MYH10: variants seen among roughly 807,000 people sequenced by gnomAD.
MYH10 encodes myosin heavy chain 10.
A neutral mutation model predicts 257.8 loss-of-function variants in MYH10; 55 were observed. That is an observed-to-expected ratio of 0.21 (90% CI 0.17 to 0.27). The LOEUF (loss-of-function observed/expected upper bound fraction) is 0.27. MYH10 is among the 10% of genes least tolerant of loss of function. The pLI, the probability that MYH10 is intolerant of heterozygous loss-of-function variation, is 1.00. For synonymous variants in MYH10, 854 were observed against 921.7 expected (o/e 0.93, Z 1.33); for missense variants, 1,631 against 2,500.6 (o/e 0.65, Z 7.42).
chr17:8,617,251 G>C lies in MYH10; in HGVS notation c.345+5651C>G, dbSNP rs1377542859. Among the ~76,000 whole-genome samples the C allele has an allele frequency of 5.3e-5, 8 of 152,220 alleles. No homozygotes were observed. The East Asian group carries it at 1.5e-3, about 29-fold the overall frequency. On this transcript the variant is annotated intron_variant, in intron 2 of 42. Coordinates refer to ENST00000360416, the MANE Select transcript of MYH10 (RefSeq NM_001256012.3). Reference sequence around the variant, plus strand: ...AGAAGGTCAGGATATTTATGCCCTAGGTTCTCTCCCCACCATGAGCTGCCT... The same window carrying C: ...AGAAGGTCAGGATATTTATGCCCTACGTTCTCTCCCCACCATGAGCTGCCT...
chr17:8,607,582 T>C (rs982034350), intron 2 of MYH10, among the ~76,000 whole-genome samples: 7 of 152,234 alleles, frequency 4.6e-5, no homozygotes, highest in African/African-American at 1.7e-4. Context: ...AGCACAAGTA[T>C]TGAGCTCTTG....
At chr17:8,577,500 C>T (rs967317851) in intron 4 of MYH10, among the ~76,000 whole-genome samples, 162 bp from the exon 5 acceptor site, 1 of 152,024 alleles carries the variant, frequency 6.6e-6, no homozygotes, top group East Asian at 1.9e-4. Flanking sequence ...AGAAAATCAT[C>T]CTTGTAAGAG....
chr17:8,496,509 AG>A (rs1336395642), intron 30 of MYH10, among the ~76,000 whole-genome samples: 7 of 152,118 alleles, frequency 4.6e-5, no homozygotes, highest in African/African-American at 1.7e-4. Context: ...CACCTACCAG[AG>A]GGGTTGACTG....
chr17:8,538,994 G>A (rs1244322351), intron 14 of MYH10, among the ~76,000 whole-genome samples: 2 of 152,158 alleles, frequency 1.3e-5, no homozygotes, highest in Non-Finnish European at 2.9e-5. Flanking sequence ...TTGTTGAGGA[G>A]GTGGGTTAGT....
chr17:8,570,927 C>T (rs945605270), intron 6 of MYH10, among the ~76,000 whole-genome samples: 8 of 152,276 alleles, frequency 5.3e-5, no homozygotes, highest in Middle Eastern at 6.8e-3. Flanking sequence ...AGGAAGGGGA[C>T]CTGCTCTGCC....
intron 28 of MYH10, among the ~76,000 whole-genome samples, chr17:8,502,480 TTGTGTGTG>T (rs55865122): frequency 1.3e-4 from 19 of 150,132 alleles, no homozygotes; most frequent in Non-Finnish European, 1.2e-4. Context: ...GGGAAAATAG[TTGTGTGTG>T]TGTGTGTGTG....
At chr17:8,503,469 C>CAA (rs2080975401) in intron 28 of MYH10, among the ~76,000 whole-genome samples, 1 of 152,050 alleles carries the variant, frequency 6.6e-6, no homozygotes, top group South Asian at 2.1e-4. Context: ...CATTCCAAGG[C>CAA]TCACCCCTCT....
rs1486076872 is a variant in MYH10, at chr17:8,548,758, A to T, written c.949T>A (p.Tyr317Asn). The change falls in exon 10 of 43, where the codon TAC (tyrosine) becomes AAC (asparagine). Residue 317 changes from tyrosine (Y) to asparagine (N), a missense_variant. By Grantham distance (143) the Tyr-to-Asn change is moderately radical. This residue lies in a region of MYH10 where 360 missense variants were observed against 581.9 expected (regional missense o/e 0.62). Coordinates refer to ENST00000360416, the MANE Select transcript of MYH10 (RefSeq NM_001256012.3). ...SDLLLEGFNN[Y>N]RFLSNGYIPI... ...ATATAGCCATTGGAGAGAAACCTGT[A>T]GTTATTAAATCCTTCAAGAAGCAAA... 2 of 1,612,770 alleles carry T rather than the reference A, an allele frequency of 1.2e-6. No individual in the cohort carries two copies. Among genetic ancestry groups the T allele is most frequent in the African/African-American group, 2.7e-5 (2 of 74,914 alleles).
chr17:8,520,769 A>G (rs2151902806), intron 19 of MYH10, 109 bp downstream of exon 19: 1 of 1,266,762 alleles, frequency 7.9e-7, no homozygotes, highest in South Asian at 1.6e-5. Context: ...ATATAAGAAA[A>G]CAAACTATGT....
At chr17:8,576,787 T>G in intron 5 of MYH10, 115 bp from the exon 6 acceptor site, 2 of 940,744 alleles carry the variant, frequency 2.1e-6, no homozygotes, top group South Asian at 3.0e-5. Context: ...GAAGCTGGGT[T>G]GGCTGGCGTT....
At chr17:8,608,977 A>T (rs914681621) in intron 2 of MYH10, among the ~76,000 whole-genome samples, 1 of 152,040 alleles carries the variant, frequency 6.6e-6, no homozygotes, top group Non-Finnish European at 1.5e-5. Flanking sequence ...CGCCCCGCTA[A>T]TTTTTTTGTA....
Position 8,490,115 on chromosome 17 carries a change from T to C in MYH10, c.4884+225A>G. ...CTGAGGGCTTTCTGACTGATAAGTG[T>C]CTGGCTTGTAGGCAGGAATGATACT... On this transcript the variant is annotated intron_variant, in intron 35 of 42. Coordinates refer to ENST00000360416, the MANE Select transcript of MYH10 (RefSeq NM_001256012.3). The surrounding 1 kb of genome is among the most constrained non-coding windows in gnomAD (Gnocchi z 4.1). 2.2e-6 allele frequency: 1 copy of C among 459,650 alleles called. No homozygotes were observed. Among genetic ancestry groups the C allele is most frequent in the Non-Finnish European group, 3.9e-6 (1 of 254,128 alleles). The allele number at this position is 459,650 out of a possible 1,614,324, so 28.5% of individuals were successfully genotyped here. A position where few individuals can be genotyped will look rare whatever the true frequency, so the allele number is the denominator to read the frequency against.
At chr17:8,541,883 G>T (rs780462486) in intron 14 of MYH10, among the ~76,000 whole-genome samples, 2 of 152,298 alleles carry the variant, frequency 1.3e-5, no homozygotes, top group South Asian at 4.1e-4. Flanking sequence ...TGCAAGCAAG[G>T]ACAGGAATCA....
intron 35 of MYH10, 113 bp from the exon 36 acceptor site, chr17:8,487,707 TA>T: frequency 8.2e-7 from 1 of 1,224,480 alleles, no homozygotes; most frequent in Admixed American, 1.9e-5. Flanking sequence ...AAACTTCTGT[TA>T]CTCTGTAGAG....
At chr17:8,579,157 T>C (rs1283003953) in intron 4 of MYH10, among the ~76,000 whole-genome samples, 2 of 151,896 alleles carry the variant, frequency 1.3e-5, no homozygotes, top group Non-Finnish European at 2.9e-5. Flanking sequence ...CTCCCACCTG[T>C]AGTCCCAGCT....
Position 8,492,312 on chromosome 17 carries a change from A to G in MYH10, c.4656T>C (p.Asp1552=), listed in dbSNP as rs754753062. ...GGCGACTTACGTTTTTTCCCACATC[A>G]TCTTTGGAGCTCATGAGGTCTTCCA... is the stretch of plus-strand genomic sequence containing the variant. ...ADMEDLMSSK[D]DVGKNVHELE... The change falls in exon 34 of 43, where the codon GAT becomes GAC. Residue 1552 remains aspartate (D), a synonymous_variant. Transcript: ENST00000360416. 1.2e-6 allele frequency: 2 copies of G among 1,612,778 alleles called. No homozygotes were observed. Among genetic ancestry groups the G allele is most frequent in the Non-Finnish European group, 8.5e-7 (1 of 1,179,900 alleles).
intron 14 of MYH10, among the ~76,000 whole-genome samples, chr17:8,537,120 G>T (rs539594225): frequency 2.6e-5 from 4 of 152,288 alleles, no homozygotes; most frequent in African/African-American, 9.6e-5. Flanking sequence ...AGCTAAATAA[G>T]ATATTTAAAT....
At chr17:8,503,784 G>C (rs531624010) in intron 28 of MYH10, among the ~76,000 whole-genome samples, 2 of 152,332 alleles carry the variant, frequency 1.3e-5, no homozygotes, top group Admixed American at 1.3e-4. Context: ...CAACTCCCCA[G>C]GGTGATGGGC....
chr17:8,554,031 T>G lies in MYH10; in HGVS notation c.757-13A>C. 1 of 1,602,484 alleles carries G rather than the reference T, an allele frequency of 6.2e-7. No individual in the cohort carries two copies. The highest frequency in any genetic ancestry group is 8.5e-7 in the Non-Finnish European group (1 of 1,170,282). On this transcript the variant is annotated splice_polypyrimidine_tract_variant and intron_variant, in intron 7 of 42. Transcript: ENST00000360416. ...GAATAAATTTGCCCTGAAAATAAAT[T>G]AAAAAGAGAAAATTGAAAATAAGTA...
Sources: allele counts gnomAD v4.1 joint callset (sites outside exome capture counted in the v4.1 genomes callset), GRCh38; gene constraint gnomAD v4.1.1; regional missense constraint gnomAD v4.1.1; non-coding constraint Gnocchi (gnomAD v3.1); transcripts MANE v1.5; gene names NCBI Gene and HGNC (gene_info 2026-07-23, HGNC 2026-07-21).